Variants in TAFA1 observed in about 807,000 individuals in gnomAD.
The protein encoded by TAFA1 is chemokine-like protein TAFA-1.
Under a neutral mutation model 18.5 loss-of-function variants are expected in TAFA1, and 4 were observed. That is an observed-to-expected ratio of 0.22 (90% CI 0.11 to 0.49). TAFA1 has a LOEUF of 0.49. Among genes scored for constraint, TAFA1 ranks in the 20% least tolerant of loss-of-function variants. The pLI is 0.98. For synonymous variants in TAFA1, 56 were observed against 55.2 expected, an observed-to-expected ratio of 1.01 and a Z score of -0.06; for missense variants, 147 against 169.0, an observed-to-expected ratio of 0.87 and a Z score of 0.72.
intron 2 of TAFA1, among the ~76,000 whole-genome samples, chr3:68,076,020 A>C (rs930271647): frequency 6.6e-6 from 1 of 152,170 alleles, no homozygotes; most frequent in Non-Finnish European, 1.5e-5. Context: ...TCATAGGAAA[A>C]AGAAATCCAT....
At chr3:68,457,331 TA>T (rs920374881) in intron 3 of TAFA1, among the ~76,000 whole-genome samples, 1 of 152,210 alleles carries the variant, frequency 6.6e-6, no homozygotes, top group African/African-American at 2.4e-5. Flanking sequence ...ATGCATATAT[TA>T]TGGTTGTAAA....
At chr3:68,120,434 A>C (rs915389523) in intron 2 of TAFA1, among the ~76,000 whole-genome samples, 5 of 151,908 alleles carry the variant, frequency 3.3e-5, no homozygotes, top group African/African-American at 9.7e-5. Flanking sequence ...TTTTTAGTAG[A>C]GATGGAGTTT....
At chr3:68,154,319 T>C (rs2065840492) in intron 2 of TAFA1, among the ~76,000 whole-genome samples, 1 of 152,162 alleles carries the variant, frequency 6.6e-6, no homozygotes, top group Non-Finnish European at 1.5e-5. Flanking sequence ...CAGATCTACC[T>C]ACAAGATCCA....
At chr3:68,442,915 C>T (rs142649039) in intron 3 of TAFA1, among the ~76,000 whole-genome samples, 2 of 152,250 alleles carry the variant, frequency 1.3e-5, no homozygotes, top group East Asian at 3.9e-4. Flanking sequence ...ATTCTTGATT[C>T]AGTGGCTTGA....
intron 3 of TAFA1, among the ~76,000 whole-genome samples, chr3:68,479,089 G>A (rs2072166585): frequency 6.7e-6 from 1 of 149,386 alleles, no homozygotes; most frequent in Non-Finnish European, 1.5e-5. Flanking sequence ...AAATTAACTG[G>A]GCATGGTGAC....
intron 3 of TAFA1, among the ~76,000 whole-genome samples, chr3:68,462,258 C>G (rs1462153226): frequency 6.6e-6 from 1 of 152,096 alleles, no homozygotes; most frequent in East Asian, 1.9e-4. Context: ...CCACCCAAAT[C>G]TCATCTTGTA....
chr3:68,395,746 A>G (rs2070369903), intron 2 of TAFA1, among the ~76,000 whole-genome samples: 1 of 152,154 alleles, frequency 6.6e-6, no homozygotes. Context: ...CATAAGTGAG[A>G]GTTGAACAAT....
At chr3:68,483,013 A>G (rs2072266994) in intron 3 of TAFA1, among the ~76,000 whole-genome samples, 1 of 152,186 alleles carries the variant, frequency 6.6e-6, no homozygotes, top group African/African-American at 2.4e-5. Context: ...TGTTTCTTGC[A>G]ATCAACATAG....
chr3:68,119,280 A>G (rs1022643298), intron 2 of TAFA1, among the ~76,000 whole-genome samples: 7 of 152,054 alleles, frequency 4.6e-5, no homozygotes, highest in African/African-American at 1.7e-4. Context: ...TATTCTGTCT[A>G]TTAACTCTTT....
At chr3:68,529,430 A>G (rs1350446648) in intron 3 of TAFA1, among the ~76,000 whole-genome samples, 1 of 108,922 alleles carries the variant, frequency 9.2e-6, no homozygotes, top group Non-Finnish European at 1.8e-5. Flanking sequence ...TAGATTCACC[A>G]TTCTCTAAAA....
intron 2 of TAFA1, among the ~76,000 whole-genome samples, chr3:68,336,767 A>G (rs1226830414): frequency 6.6e-6 from 1 of 152,224 alleles, no homozygotes; most frequent in African/African-American, 2.4e-5. Flanking sequence ...ATCTGTCACC[A>G]GGCTGGAGTG....
intron 2 of TAFA1, among the ~76,000 whole-genome samples, chr3:68,259,693 G>A (rs1431210811): frequency 6.6e-6 from 1 of 152,012 alleles, no homozygotes; most frequent in African/African-American, 2.4e-5. Flanking sequence ...TGTTCTCTTT[G>A]AAGCAATTGT....
At chr3:68,036,258 G>C (rs899995204) in intron 2 of TAFA1, among the ~76,000 whole-genome samples, 1 of 151,956 alleles carries the variant, frequency 6.6e-6, no homozygotes, top group Admixed American at 6.6e-5. Context: ...GACCAAAATG[G>C]TGAAACCCCA....
At chr3:68,214,302 A>G (rs1029763054) in intron 2 of TAFA1, among the ~76,000 whole-genome samples, 1 of 152,068 alleles carries the variant, frequency 6.6e-6, no homozygotes, top group African/African-American at 2.4e-5. Context: ...TCCTTATTAA[A>G]CCAATCAGGA....
At chr3:68,300,904 C>A (rs1414464369) in intron 2 of TAFA1, among the ~76,000 whole-genome samples, 1 of 152,100 alleles carries the variant, frequency 6.6e-6, no homozygotes, top group African/African-American at 2.4e-5. Context: ...GAGGTCTCCC[C>A]AGCCATGCTA....
intron 2 of TAFA1, among the ~76,000 whole-genome samples, chr3:68,084,331 CTCTTTATGTATG>C (rs1170498401): frequency 6.6e-6 from 1 of 152,112 alleles, no homozygotes; most frequent in Non-Finnish European, 1.5e-5. Flanking sequence ...ATAAGAATTT[CTCTTTATGTATG>C]TCTTTGTTGT....
chr3:68,072,487 G>C (rs575367471), intron 2 of TAFA1, among the ~76,000 whole-genome samples: 6 of 152,296 alleles, frequency 3.9e-5, no homozygotes. Context: ...TAAGACCAGA[G>C]ACAGGGTGAC....
At chr3:68,362,579 G>A (rs1379451279) in intron 2 of TAFA1, among the ~76,000 whole-genome samples, 2 of 152,104 alleles carry the variant, frequency 1.3e-5, no homozygotes, top group Non-Finnish European at 2.9e-5. Flanking sequence ...TTTGTGTTTG[G>A]TTTGTTTGCC....
At chr3:68,132,332 A>G (rs2065550573) in intron 2 of TAFA1, among the ~76,000 whole-genome samples, 1 of 152,228 alleles carries the variant, frequency 6.6e-6, no homozygotes. Context: ...CAGTGCTGCA[A>G]TAAACATATG....
Sources: gnomAD v4.1 joint callset for allele counts (sites outside exome capture counted in the v4.1 genomes callset) on GRCh38, gnomAD v4.1.1 for gene constraint, MANE v1.5 for transcripts, NCBI Gene and HGNC (gene_info 2026-07-23, HGNC 2026-07-21) for gene names.